Variants in CATSPERE observed in about 807,000 individuals in gnomAD.
CATSPERE encodes the protein catsper channel auxiliary subunit epsilon.
Under a neutral mutation model 114.1 loss-of-function variants are expected in CATSPERE, and 93 were observed. The observed-to-expected ratio is 0.81, with a 90% confidence interval of 0.69 to 0.97. CATSPERE has a LOEUF of 0.97. CATSPERE is among the 50% of genes least tolerant of loss of function. The pLI, the probability that CATSPERE is intolerant of heterozygous loss-of-function variation, is 0.00. For synonymous variants in CATSPERE, 341 were observed against 384.1 expected, an observed-to-expected ratio of 0.89 and a Z score of 1.31; for missense variants, 1,058 against 1,131.6, an observed-to-expected ratio of 0.93 and a Z score of 0.93.
At chr1:244,520,074 A>G (rs952195936) in intron 8 of CATSPERE, among the ~76,000 whole-genome samples, 2 of 152,154 alleles carry the variant, frequency 1.3e-5, no homozygotes, top group Non-Finnish European at 2.9e-5. Context: ...ATTTTCTCCC[A>G]TTCTGTGAAT....
intron 18 of CATSPERE, among the ~76,000 whole-genome samples, chr1:244,606,755 C>A (rs1300487922): frequency 6.6e-6 from 1 of 152,086 alleles, no homozygotes; most frequent in Non-Finnish European, 1.5e-5. Context: ...GCACATGCCA[C>A]TACACCTGGC....
At chr1:244,546,037 C>A (rs1402782265) in intron 8 of CATSPERE, among the ~76,000 whole-genome samples, 1 of 152,208 alleles carries the variant, frequency 6.6e-6, no homozygotes, top group Non-Finnish European at 1.5e-5. Flanking sequence ...CCTTTCTGGG[C>A]ACCCCTGAAG....
chr1:244,606,636 C>T (rs1670044921), intron 18 of CATSPERE, among the ~76,000 whole-genome samples: 1 of 139,178 alleles, frequency 7.2e-6, no homozygotes, highest in African/African-American at 2.7e-5. Flanking sequence ...GAGTCTCGCT[C>T]TGTTGCCCAG....
rs541746788 is a variant in CATSPERE at position 244,584,180 on chromosome 1, A to T, written c.2085+241A>T. 9.8e-4 allele frequency among the ~76,000 whole-genome samples: 149 copies of T among 152,336 alleles called. 1 individual carries two copies. The highest frequency in any genetic ancestry group is 7.3e-3 in the South Asian group (35 of 4,826). On this transcript the variant is annotated intron_variant, in intron 13 of 21. Coordinates refer to ENST00000366534, the MANE Select transcript of CATSPERE (RefSeq NM_001130957.2). The stretch of plus-strand genomic sequence containing the variant: ...CAAAGAAAAAATCATTTATTCATTT[A>T]AAAAAGTTTATTGTATGCCTACTCT...
chr1:244,520,522 C>T (rs914835410), intron 8 of CATSPERE, among the ~76,000 whole-genome samples: 3 of 152,178 alleles, frequency 2.0e-5, no homozygotes, highest in Non-Finnish European at 4.4e-5. Flanking sequence ...CAATACCACA[C>T]TTCTCCCATG....
chr1:244,520,023 TA>T (rs57438105), intron 8 of CATSPERE, among the ~76,000 whole-genome samples: 18,474 of 152,168 alleles, frequency 0.12, 1,877 homozygotes, highest in African/African-American at 0.28. Context: ...GAGTTCTTTA[TA>T]TTCTAGATAC....
intron 8 of CATSPERE, among the ~76,000 whole-genome samples, chr1:244,539,883 G>GCT (rs1423099322): frequency 2.7e-5 from 4 of 148,864 alleles, no homozygotes; most frequent in African/African-American, 1.0e-4. Context: ...TGTTAGTCTT[G>GCT]CTAGTGGTCT....
rs771729014 is a variant in CATSPERE, at chr1:244,610,333, G to A, written c.2490+7G>A. 2 of 1,582,310 alleles carry A rather than the reference G, an allele frequency of 1.3e-6. No individual in the cohort carries two copies. The highest frequency in any genetic ancestry group is 1.1e-5 in the South Asian group (1 of 90,110). ...AGAAGTCTGGGGACCTGAGGTAAGA[G>A]AAACATTACCTTCCAGATTGTTTAT... On this transcript the variant is annotated splice_region_variant and intron_variant, in intron 19 of 21. Transcript: ENST00000366534.
chr1:244,544,213 G>A (rs563714551), intron 8 of CATSPERE, among the ~76,000 whole-genome samples: 49 of 152,236 alleles, frequency 3.2e-4, no homozygotes, highest in African/African-American at 1.1e-3. Context: ...CTTTTTCCCA[G>A]CCTACCTCAA....
chr1:244,470,775 C>T (rs1668350953), intron 2 of CATSPERE, among the ~76,000 whole-genome samples: 1 of 152,046 alleles, frequency 6.6e-6, no homozygotes, highest in Non-Finnish European at 1.5e-5. Flanking sequence ...TGTTCATCAA[C>T]TAAGGAAAGG....
intron 8 of CATSPERE, among the ~76,000 whole-genome samples, chr1:244,521,477 CA>C (rs1677551392): frequency 6.6e-6 from 1 of 151,936 alleles, no homozygotes; most frequent in Non-Finnish European, 1.5e-5. Flanking sequence ...TAATTTATTA[CA>C]TTAATAGCTT....
chr1:244,529,650 T>G (rs1679279383), intron 8 of CATSPERE, among the ~76,000 whole-genome samples: 1 of 152,104 alleles, frequency 6.6e-6, no homozygotes, highest in Middle Eastern at 3.2e-3. Context: ...TCCTTTGCTG[T>G]GCGGAAGCTT....
intron 7 of CATSPERE, 55 bp from the exon 8 acceptor site, chr1:244,518,537 C>A (rs917099284): frequency 2.2e-5 from 24 of 1,097,832 alleles, no homozygotes; most frequent in Non-Finnish European, 3.3e-5. Flanking sequence ...GATGTCACAT[C>A]AAAATACTTT....
rs1669632961 is a variant in CATSPERE, at chr1:244,477,961, A to G, written c.244A>G (p.Ile82Val). The change falls in exon 4 of 22, where the codon ATT (isoleucine) becomes GTT (valine). Residue 82 changes from isoleucine (I) to valine (V), a missense_variant. This residue lies in a region of CATSPERE where 271 missense variants were observed against 225.9 expected (regional missense o/e 1.20). Transcript: ENST00000366534. ...ACCTGGTGTTCACGCTATAAAACCA[A>G]TTGTTACTGGCCCAGTAAGTTGTTT... ...SSPGVHAIKP[I>V]VTGPDEEERY... The G allele has an allele frequency of 1.2e-6, 2 of 1,601,420 alleles. No individual in the cohort carries two copies. The highest frequency in any genetic ancestry group is 1.7e-6 in the Non-Finnish European group (2 of 1,169,436).
chr1:244,498,957 A>G (rs1237403580), intron 6 of CATSPERE, 45 bp from the exon 7 acceptor site: 2 of 1,450,254 alleles, frequency 1.4e-6, no homozygotes, highest in Non-Finnish European at 1.9e-6. Flanking sequence ...TAAAAAAGAA[A>G]TTTGTACAAA....
intron 8 of CATSPERE, among the ~76,000 whole-genome samples, chr1:244,535,631 A>G (rs571997096): frequency 1.3e-5 from 2 of 152,282 alleles, no homozygotes; most frequent in East Asian, 1.9e-4. Flanking sequence ...GAATGCTGCC[A>G]GGCTGGGGAC....
chr1:244,527,416 C>T lies in CATSPERE; in HGVS notation c.536+8718C>T, dbSNP rs565098469. ...TATGGCTCTGTTCCGCCCGGCTCAGCGGCAGTCAGAGTTTAAGGTTATCTC... is the reference window on the plus strand; with the variant it reads ...TATGGCTCTGTTCCGCCCGGCTCAGTGGCAGTCAGAGTTTAAGGTTATCTC... On this transcript the variant is annotated intron_variant, in intron 8 of 21. Coordinates refer to ENST00000366534, the MANE Select transcript of CATSPERE (RefSeq NM_001130957.2). Among the ~76,000 whole-genome samples, 23 of 152,282 alleles carry T rather than the reference C, an allele frequency of 1.5e-4. 1 individual carries two copies. The highest frequency in any genetic ancestry group is 6.2e-4 in the South Asian group (3 of 4,830).
intron 20 of CATSPERE, among the ~76,000 whole-genome samples, chr1:244,627,278 G>A (rs992364399): frequency 4.6e-5 from 7 of 152,070 alleles, no homozygotes; most frequent in Non-Finnish European, 8.8e-5. Flanking sequence ...AGAGATCACT[G>A]ACCACAGATC....
rs1419596326 is a variant in CATSPERE at position 244,575,318 on chromosome 1, C to T, written c.1950+2546C>T. ...ATGCTCTTTCACCTCCTCTGCTCTC[C>T]TCCTGGCACCAGTCCTTGACCTCTT... On this transcript the variant is annotated intron_variant, in intron 11 of 21. Coordinates refer to ENST00000366534, the MANE Select transcript of CATSPERE (RefSeq NM_001130957.2). The surrounding 1 kb of genome is among the most constrained non-coding windows in gnomAD (Gnocchi z 4.5). 6.6e-6 allele frequency among the ~76,000 whole-genome samples: 1 copy of T among 152,238 alleles called. No homozygotes were observed. Among genetic ancestry groups the T allele is most frequent in the African/African-American group, 2.4e-5 (1 of 41,460 alleles).
Sources: gnomAD v4.1 joint callset for allele counts (sites outside exome capture counted in the v4.1 genomes callset) on GRCh38, gnomAD v4.1.1 for gene constraint, gnomAD v4.1.1 regional missense constraint, Gnocchi (gnomAD v3.1) non-coding constraint, MANE v1.5 for transcripts, NCBI Gene and HGNC (gene_info 2026-07-23, HGNC 2026-07-21) for gene names.